The following NR6A1 variants were observed in gnomAD, a reference collection of about 807,000 sequenced individuals.
NR6A1 encodes nuclear receptor subfamily 6 group A member 1.
NR6A1 carries 7 observed loss-of-function variants against 59.1 expected under a neutral mutation model. That is an observed-to-expected ratio of 0.12 (90% CI 0.07 to 0.22). The LOEUF is 0.22. NR6A1 is among the 10% of genes least tolerant of loss of function. NR6A1 has a pLI of 1.00. For synonymous variants in NR6A1, 243 were observed against 236.1 expected (o/e 1.03, Z -0.27); for missense variants, 468 against 611.6 (o/e 0.77, Z 2.48).
chr9:124,628,640 CTA>C (rs1170089197), intron 2 of NR6A1, among the ~76,000 whole-genome samples: 1 of 150,714 alleles, frequency 6.6e-6, no homozygotes, highest in Non-Finnish European at 1.5e-5. Context: ...CACGTCCAGC[CTA>C]TTTTTTTTTT....
intron 2 of NR6A1, among the ~76,000 whole-genome samples, chr9:124,675,813 A>G (rs999709792): frequency 3.3e-5 from 5 of 152,260 alleles, no homozygotes; most frequent in South Asian, 2.1e-4. Context: ...AGAATTCTCA[A>G]TTGAAGGTGC....
At position 124,551,968 on chromosome 9, in the gene NR6A1, C is replaced by G. The variant is rs1833790987; in HGVS notation, c.385+2360G>C. 2.0e-5 allele frequency among the ~76,000 whole-genome samples: 3 copies of G among 152,234 alleles called. No homozygotes were observed. The South Asian group carries it at 6.2e-4, about 31-fold the overall frequency. On this transcript the variant is annotated intron_variant, in intron 3 of 9. Transcript: ENST00000487099. ...CGCAGACTTCACCAGGCAACTGGGT[C>G]TGCCTGCTCTGCATGCAAACAGTCC...
At position 124,666,275 on chromosome 9, in the gene NR6A1, C is replaced by CTTTTTTTTTTTTT. The variant is rs922378385; in HGVS notation, c.142+67020_142+67032dup. On this transcript the variant is annotated intron_variant, in intron 2 of 9. Transcript: ENST00000487099. Reference sequence around the variant, plus strand: ...TTGGCGGAATTACCTCTATGTGGTTCTTTTTTTTTTTTTTTTTTTTTGAGA... The same window carrying CTTTTTTTTTTTTT: ...TTGGCGGAATTACCTCTATGTGGTTCTTTTTTTTTTTTTTTTTTTTTTTTTTTTTTTTTTGAGA... 1.4e-3 allele frequency among the ~76,000 whole-genome samples: 140 copies of CTTTTTTTTTTTTT among 103,044 alleles called. 3 individuals are homozygous for CTTTTTTTTTTTTT. Among genetic ancestry groups the CTTTTTTTTTTTTT allele is most frequent in the Middle Eastern group, 4.9e-3 (1 of 206 alleles). 67.6% of individuals were successfully genotyped at this position (103,044 alleles called of 152,430 possible). A position where few individuals can be genotyped will look rare whatever the true frequency, so the allele number is the denominator to read the frequency against.
intron 2 of NR6A1, among the ~76,000 whole-genome samples, chr9:124,579,748 T>C (rs190697387): frequency 1.4e-4 from 21 of 152,252 alleles, no homozygotes; most frequent in Non-Finnish European, 2.2e-4. Flanking sequence ...CGGTAGCTCA[T>C]ACCTGTAATC....
intron 2 of NR6A1, among the ~76,000 whole-genome samples, chr9:124,599,823 T>C (rs1257783613): frequency 6.6e-6 from 1 of 152,180 alleles, no homozygotes; most frequent in Non-Finnish European, 1.5e-5. Context: ...AAATAAAATA[T>C]CCTAGTCCTC....
At chr9:124,696,157 AG>A in intron 2 of NR6A1, among the ~76,000 whole-genome samples, 1 of 152,230 alleles carries the variant, frequency 6.6e-6, no homozygotes. Context: ...CTTGTGAGCA[AG>A]GCGCAAAGTC....
intron 2 of NR6A1, among the ~76,000 whole-genome samples, chr9:124,677,045 C>G (rs1423228975): frequency 1.3e-5 from 2 of 151,984 alleles, no homozygotes; most frequent in African/African-American, 4.8e-5. Context: ...TCTCTATTTC[C>G]CTCCAGTGGC....
At chr9:124,613,049 A>G (rs1480310469) in intron 2 of NR6A1, among the ~76,000 whole-genome samples, 2 of 152,192 alleles carry the variant, frequency 1.3e-5, no homozygotes, top group Non-Finnish European at 2.9e-5. Flanking sequence ...AAATTTTAAA[A>G]TTCAAAGCCA....
chr9:124,759,181 T>A (rs1331054132), intron 1 of NR6A1, among the ~76,000 whole-genome samples: 2 of 152,252 alleles, frequency 1.3e-5, no homozygotes, highest in Non-Finnish European at 2.9e-5. Context: ...TTCTGTATTT[T>A]ATAAATTTTG....
chr9:124,570,202 C>G (rs766930498), intron 2 of NR6A1, among the ~76,000 whole-genome samples: 1 of 152,340 alleles, frequency 6.6e-6, no homozygotes, highest in African/African-American at 2.4e-5. Flanking sequence ...CTCCTTTTCT[C>G]TTGCAACATG....
At chr9:124,671,593 T>TA in intron 2 of NR6A1, among the ~76,000 whole-genome samples, 1 of 152,320 alleles carries the variant, frequency 6.6e-6, no homozygotes, top group African/African-American at 2.4e-5. Context: ...CTCACAACCC[T>TA]ACTCCTGGCC....
chr9:124,564,465 G>C (rs1484466835), intron 2 of NR6A1, among the ~76,000 whole-genome samples: 7 of 152,096 alleles, frequency 4.6e-5, no homozygotes, highest in Admixed American at 4.6e-4. Flanking sequence ...GTTTACAATA[G>C]CATCAAGAAA....
chr9:124,634,163 G>GA (rs1836529514), intron 2 of NR6A1, among the ~76,000 whole-genome samples: 1 of 152,026 alleles, frequency 6.6e-6, no homozygotes, highest in African/African-American at 2.4e-5. Flanking sequence ...CAAAGGAAAA[G>GA]AAAAAACAGA....
chr9:124,526,947 G>C, intron 7 of NR6A1, 47 bp from the exon 8 acceptor site: 1 of 1,609,438 alleles, frequency 6.2e-7, no homozygotes, highest in East Asian at 2.2e-5. Context: ...ACACCAGTAG[G>C]GGCCAGGAAA....
chr9:124,551,713 C>A (rs543068378), intron 3 of NR6A1, among the ~76,000 whole-genome samples: 5 of 152,244 alleles, frequency 3.3e-5, no homozygotes, highest in African/African-American at 1.2e-4. Flanking sequence ...TTCTCTCTGC[C>A]CTTTAACCCC....
intron 2 of NR6A1, among the ~76,000 whole-genome samples, chr9:124,556,031 A>G (rs1228535155): frequency 2.0e-5 from 3 of 152,220 alleles, no homozygotes; most frequent in African/African-American, 7.2e-5. Flanking sequence ...ATATATGCCA[A>G]CTTTGAGATG....
chr9:124,608,621 T>C (rs1231679370), intron 2 of NR6A1, among the ~76,000 whole-genome samples: 1 of 152,238 alleles, frequency 6.6e-6, no homozygotes, highest in Non-Finnish European at 1.5e-5. Flanking sequence ...CATGTAACTT[T>C]ATAACAGAAT....
chr9:124,722,515 G>T (rs1350124608), intron 2 of NR6A1, among the ~76,000 whole-genome samples: 3 of 152,122 alleles, frequency 2.0e-5, no homozygotes, highest in Non-Finnish European at 2.9e-5. Context: ...TTTGTAGCTG[G>T]AAGAATCCAC....
intron 7 of NR6A1, among the ~76,000 whole-genome samples, chr9:124,530,025 A>G (rs952248199): frequency 6.6e-6 from 1 of 152,140 alleles, no homozygotes; most frequent in Non-Finnish European, 1.5e-5. Flanking sequence ...CTGTCCTTTA[A>G]TCAGCAACCC....
Sources: gnomAD v4.1 joint callset for allele counts (sites outside exome capture counted in the v4.1 genomes callset) on GRCh38, gnomAD v4.1.1 for gene constraint, MANE v1.5 for transcripts, NCBI Gene and HGNC (gene_info 2026-07-23, HGNC 2026-07-21) for gene names.